Variants in SULF1 observed in about 807,000 individuals in gnomAD.
The protein encoded by SULF1 is extracellular sulfatase Sulf-1.
A neutral mutation model predicts 110.5 loss-of-function variants in SULF1; 46 were observed. The observed-to-expected ratio is 0.42, with a 90% confidence interval of 0.33 to 0.53. The LOEUF (loss-of-function observed/expected upper bound fraction) is 0.53. Among genes scored for constraint, SULF1 ranks in the 20% least tolerant of loss-of-function variants. SULF1 has a pLI of 0.12. For synonymous variants in SULF1, 371 were observed against 387.1 expected, an observed-to-expected ratio of 0.96 and a Z score of 0.49; for missense variants, 941 against 1,094.2, an observed-to-expected ratio of 0.86 and a Z score of 1.98.
chr8:69,471,972 G>A (rs1809104017), intron 1 of SULF1, among the ~76,000 whole-genome samples: 1 of 149,508 alleles, frequency 6.7e-6, no homozygotes, highest in South Asian at 2.1e-4. Flanking sequence ...AATAAGGAAA[G>A]GAGGGAGAGA....
intron 1 of SULF1, among the ~76,000 whole-genome samples, chr8:69,483,215 C>A (rs994436488): frequency 2.0e-5 from 3 of 152,330 alleles, no homozygotes; most frequent in Non-Finnish European, 2.9e-5. Context: ...TAATCACAAT[C>A]ATACGTTTTG....
At chr8:69,528,200 C>CCTG (rs1812834548) in intron 3 of SULF1, among the ~76,000 whole-genome samples, 1 of 152,108 alleles carries the variant, frequency 6.6e-6, no homozygotes, top group Admixed American at 6.6e-5. Flanking sequence ...GATGAAACCA[C>CCTG]CTGCTGTTCT....
chr8:69,491,282 AC>A (rs1340250005), upstream of SULF1, among the ~76,000 whole-genome samples: 1 of 152,202 alleles, frequency 6.6e-6, no homozygotes, highest in Non-Finnish European at 1.5e-5. Flanking sequence ...TCTATATTTC[AC>A]CCCATATCAT....
At chr8:69,562,030 G>A (rs2150716411) in intron 3 of SULF1, among the ~76,000 whole-genome samples, 1 of 152,328 alleles carries the variant, frequency 6.6e-6, no homozygotes, top group African/African-American at 2.4e-5. Flanking sequence ...GACTTCTACA[G>A]GGCTGCGTTA....
rs116846654 is a variant in SULF1, at chr8:69,547,054, C to T, written c.-133-16485C>T. Among the ~76,000 whole-genome samples, 864 of 152,108 alleles carry T rather than the reference C, an allele frequency of 5.7e-3. 6 individuals are homozygous for T. The highest frequency in any genetic ancestry group is 9.3e-3 in the Non-Finnish European group (631 of 68,006). Reference sequence around the variant, plus strand: ...CTATATCCATGAATGATCAAGTTGACAATTATAAAACAACAAGATAAAAAT... The same window carrying T: ...CTATATCCATGAATGATCAAGTTGATAATTATAAAACAACAAGATAAAAAT... On this transcript the variant is annotated intron_variant, in intron 3 of 22. Transcript: ENST00000402687.
intron 22 of SULF1, among the ~76,000 whole-genome samples, chr8:69,655,403 A>C (rs756077105): frequency 9.2e-5 from 14 of 152,166 alleles, no homozygotes; most frequent in South Asian, 2.1e-4. Context: ...ACTCCAATAC[A>C]TATTCTTATT....
rs1361469073 is a variant in SULF1, at chr8:69,627,205, T to C, written c.1851-5T>C. The C allele has an allele frequency of 6.2e-7, 1 of 1,612,452 alleles. No homozygotes were observed. The highest frequency in any genetic ancestry group is 1.1e-5 in the South Asian group (1 of 90,976). Reference sequence around the variant, plus strand: ...TATTTCACATGGTTTTGGTTTGTTTTGCAGGTGTTTTATTCTTCCCAATGA... The same window carrying C: ...TATTTCACATGGTTTTGGTTTGTTTCGCAGGTGTTTTATTCTTCCCAATGA... On this transcript the variant is annotated splice_polypyrimidine_tract_variant and splice_region_variant and intron_variant, in intron 15 of 22. Coordinates refer to ENST00000402687, the MANE Select transcript of SULF1 (RefSeq NM_001128205.2).
At chr8:69,559,822 A>G (rs1016986303) in intron 3 of SULF1, among the ~76,000 whole-genome samples, 1 of 152,184 alleles carries the variant, frequency 6.6e-6, no homozygotes, top group Non-Finnish European at 1.5e-5. Context: ...ATGTGTACTC[A>G]AGGTCAAGGT....
intron 5 of SULF1, among the ~76,000 whole-genome samples, chr8:69,569,392 G>A (rs1252125173): frequency 6.6e-6 from 1 of 151,960 alleles, no homozygotes; most frequent in Non-Finnish European, 1.5e-5. Flanking sequence ...AGATTCTGAC[G>A]TTTCTTGAAA....
intron 13 of SULF1, among the ~76,000 whole-genome samples, chr8:69,607,066 C>T (rs1483527584): frequency 2.6e-5 from 4 of 152,210 alleles, no homozygotes; most frequent in African/African-American, 7.2e-5. Flanking sequence ...ACTCTAATCC[C>T]GAACCAGCAG....
At chr8:69,469,344 C>A (rs1303611363) in intron 1 of SULF1, 2 of 152,070 alleles carry the variant, frequency 1.3e-5, no homozygotes, top group Admixed American at 1.3e-4. Context: ...TCCAGAGAAG[C>A]GAAAAATAAT....
chr8:69,629,679 C>A lies in SULF1; in HGVS notation c.2284C>A (p.Leu762Met). The A allele has an allele frequency of 1.9e-6, 3 of 1,596,896 alleles. No individual in the cohort carries two copies. Among genetic ancestry groups the A allele is most frequent in the Non-Finnish European group, 8.5e-7 (1 of 1,171,534 alleles). ...NHWQTAPFWN[L>M]GSFCACTSSN... Reference sequence around the variant, plus strand: ...CTGGCAGACAGCCCCGTTCTGGAACCGTAAGTTGCTTGTTCCAAATGCCAC... The same window carrying A: ...CTGGCAGACAGCCCCGTTCTGGAACAGTAAGTTGCTTGTTCCAAATGCCAC... Residue 762 changes from leucine to methionine, a missense_variant and splice_region_variant, in exon 19 of 23, where the codon CTG (leucine) becomes ATG (methionine). This residue lies in a region of SULF1 where 112 missense variants were observed against 133.5 expected (regional missense o/e 0.84). Transcript: ENST00000402687.
In SULF1 at chr8:69,604,910, C is replaced by G. The variant is rs748529783; in HGVS notation, c.1355C>G (p.Thr452Arg). The G allele has an allele frequency of 6.2e-6, 10 of 1,614,236 alleles. No individual in the cohort carries two copies. The highest frequency in any genetic ancestry group is 5.9e-6 in the Non-Finnish European group (7 of 1,180,038). Residue 452 changes from threonine (T) to arginine (R), a missense_variant, in exon 13 of 23, where the codon ACA (threonine) becomes AGA (arginine). Thr to Arg is a moderately conservative substitution (Grantham distance 71, BLOSUM62 -1). Around this residue, in one of 3 missense-constraint regions of SULF1, gnomAD observed 822 missense variants for 934.3 expected, o/e 0.88. Transcript: ENST00000402687. Reference sequence around the variant, plus strand: ...CTATGCCAGCAGGCCAGGTACCAGACAGCCTGTGAACAACCGGGGCAGGTG... The same window carrying G: ...CTATGCCAGCAGGCCAGGTACCAGAGAGCCTGTGAACAACCGGGGCAGGTG... ...KELCQQARYQ[T>R]ACEQPGQKWQ... is the part of the protein sequence containing the mutation.
chr8:69,614,155 C>T (rs892890669), intron 13 of SULF1, among the ~76,000 whole-genome samples: 1 of 152,114 alleles, frequency 6.6e-6, no homozygotes, highest in Non-Finnish European at 1.5e-5. Flanking sequence ...TGAGTTCTTA[C>T]CGTGTGTTAT....
intron 18 of SULF1, among the ~76,000 whole-genome samples, chr8:69,628,815 A>G (rs1045499904): frequency 1.3e-5 from 2 of 152,214 alleles, no homozygotes; most frequent in African/African-American, 4.8e-5. Flanking sequence ...AATCCAAGCC[A>G]TCTGATTCAA....
chr8:69,531,370 G>T (rs534275442), intron 3 of SULF1, among the ~76,000 whole-genome samples: 1 of 152,098 alleles, frequency 6.6e-6, no homozygotes, highest in South Asian at 2.1e-4. Flanking sequence ...CACCCATAGG[G>T]TGGAGTACTA....
rs1167514830 is a variant in SULF1 at position 69,638,712 on chromosome 8, G to C, written c.2428-23G>C. On this transcript the variant is annotated intron_variant, in intron 20 of 22. Transcript: ENST00000402687. ...GGATAACCAGACATAAGCTTAAATAGATTGTCCTGTCTGCATTCACAGCTC... is the reference window on the plus strand; with the variant it reads ...GGATAACCAGACATAAGCTTAAATACATTGTCCTGTCTGCATTCACAGCTC... The C allele has an allele frequency of 3.1e-6, 5 of 1,613,436 alleles. No homozygotes were observed. In the South Asian group the frequency reaches 4.4e-5, roughly 14 times the overall value.
chr8:69,564,626 C>CTATA (rs1430676393), intron 5 of SULF1, among the ~76,000 whole-genome samples: 1 of 152,186 alleles, frequency 6.6e-6, no homozygotes, highest in Non-Finnish European at 1.5e-5. Context: ...TTGCAGTGTT[C>CTATA]TATATGTCTT....
intron 13 of SULF1, among the ~76,000 whole-genome samples, chr8:69,607,526 G>C (rs1286040118): frequency 6.6e-6 from 1 of 152,028 alleles, no homozygotes; most frequent in African/African-American, 2.4e-5. Flanking sequence ...CACCATGCTC[G>C]ACTAATTTTT....
Sources: allele counts gnomAD v4.1 joint callset (sites outside exome capture counted in the v4.1 genomes callset), GRCh38; gene constraint gnomAD v4.1.1; regional missense constraint gnomAD v4.1.1; transcripts MANE v1.5; gene names NCBI Gene and HGNC (gene_info 2026-07-23, HGNC 2026-07-21).